RIMS1: variants seen among roughly 807,000 people sequenced by gnomAD.
RIMS1 encodes the protein regulating synaptic membrane exocytosis protein 1.
In RIMS1, 83 loss-of-function variants were observed where a neutral mutation model predicts 214.1. The ratio of observed to expected loss-of-function variants is 0.39; its 90% CI spans 0.32 to 0.47. The LOEUF is 0.47. Among genes scored for constraint, RIMS1 ranks in the 20% least tolerant of loss-of-function variants. The probability of loss-of-function intolerance (pLI) is 0.99; values close to 1 mark genes in which losing one functional copy is unlikely to be tolerated. For synonymous variants in RIMS1, 793 were observed against 786.8 expected (o/e 1.01, Z -0.13); for missense variants, 2,050 against 2,161.8 (o/e 0.95, Z 1.03).
chr6:72,154,363 A>T (rs1179564754), intron 4 of RIMS1, among the ~76,000 whole-genome samples: 1 of 140,848 alleles, frequency 7.1e-6, no homozygotes, highest in Non-Finnish European at 1.6e-5. Flanking sequence ...CCTAGGACAT[A>T]TGATGTTTGA....
At chr6:72,220,819 T>C (rs1436058397) in intron 6 of RIMS1, among the ~76,000 whole-genome samples, 1 of 152,100 alleles carries the variant, frequency 6.6e-6, no homozygotes, top group African/African-American at 2.4e-5. Context: ...ACAATAGGCT[T>C]CTTTGACAAA....
chr6:72,113,212 G>T (rs753003621), intron 4 of RIMS1, among the ~76,000 whole-genome samples: 5 of 151,984 alleles, frequency 3.3e-5, no homozygotes, highest in African/African-American at 9.7e-5. Context: ...TTTAGTTTAG[G>T]GTTCTCTGGG....
intron 30 of RIMS1, 165 bp downstream of exon 30, chr6:72,390,901 CA>C: frequency 3.1e-6 from 2 of 638,188 alleles, no homozygotes; most frequent in South Asian, 5.0e-5. Context: ...TACACATGGA[CA>C]CACCTCTACA....
chr6:72,391,995 G>A (rs1249783557), intron 30 of RIMS1, among the ~76,000 whole-genome samples: 1 of 152,148 alleles, frequency 6.6e-6, no homozygotes, highest in Admixed American at 6.5e-5. Flanking sequence ...AGATGTGAAA[G>A]CACAATGGAA....
intron 2 of RIMS1, among the ~76,000 whole-genome samples, chr6:72,037,693 T>C (rs1345503116): frequency 6.6e-6 from 1 of 152,074 alleles, no homozygotes; most frequent in Non-Finnish European, 1.5e-5. Flanking sequence ...GGTTTTTTGT[T>C]CTTTCTTTTG....
intron 4 of RIMS1, among the ~76,000 whole-genome samples, chr6:72,114,190 G>A (rs774336140): frequency 2.0e-5 from 3 of 151,988 alleles, no homozygotes; most frequent in Admixed American, 1.3e-4. Flanking sequence ...TGTAGTAAAT[G>A]TAAGTAAGTC....
chr6:72,320,763 T>C (rs1444688420), intron 28 of RIMS1, among the ~76,000 whole-genome samples: 2 of 152,066 alleles, frequency 1.3e-5, no homozygotes, highest in East Asian at 3.8e-4. Context: ...AATAGCATTA[T>C]ATAGATTGTC....
rs186865369 is a variant in RIMS1, at chr6:72,284,174, G to T, written c.3554+56G>T. ...TTCCATTTTAGGAATATATTTAGGG[G>T]TGCTGTCACTCTCATTTTACATGAT... On this transcript the variant is annotated intron_variant, in intron 24 of 33. Coordinates refer to ENST00000521978, the MANE Select transcript of RIMS1 (RefSeq NM_014989.7). 136 of 1,415,420 alleles carry T rather than the reference G, an allele frequency of 9.6e-5. 1 individual carries two copies. In the African/African-American group the frequency reaches 1.6e-3, roughly 16 times the overall value. 87.7% of individuals were successfully genotyped at this position (1,415,420 alleles called of 1,614,324 possible).
At chr6:72,287,489 G>A (rs2092550968) in intron 24 of RIMS1, among the ~76,000 whole-genome samples, 1 of 152,174 alleles carries the variant, frequency 6.6e-6, no homozygotes, top group Admixed American at 6.5e-5. Flanking sequence ...AGATGAAGGA[G>A]AGTAGGCATG....
rs559146590 is a variant in RIMS1 at position 72,315,545 on chromosome 6, G to A, written c.4130+1873G>A. 2.6e-5 allele frequency among the ~76,000 whole-genome samples: 4 copies of A among 152,092 alleles called. No homozygotes were observed. The South Asian group carries it at 8.3e-4, about 32-fold the overall frequency. ...TGTATGTCAGTGATTTGTCATATGCGGTACATATTTGCTCTTAGAATAATT... is the reference window on the plus strand; with the variant it reads ...TGTATGTCAGTGATTTGTCATATGCAGTACATATTTGCTCTTAGAATAATT... On this transcript the variant is annotated intron_variant, in intron 28 of 33. Coordinates refer to ENST00000521978, the MANE Select transcript of RIMS1 (RefSeq NM_014989.7).
intron 4 of RIMS1, among the ~76,000 whole-genome samples, chr6:72,115,280 C>G (rs1287816415): frequency 6.6e-6 from 1 of 151,856 alleles, no homozygotes; most frequent in Non-Finnish European, 1.5e-5. Flanking sequence ...CTGATTTCAT[C>G]CATTATTTTA....
chr6:72,273,299 C>T (rs2084377115), intron 22 of RIMS1, among the ~76,000 whole-genome samples: 1 of 152,084 alleles, frequency 6.6e-6, no homozygotes, highest in South Asian at 2.1e-4. Context: ...TAGGACTAGA[C>T]TCCTTTGGAT....
At chr6:72,236,339 A>T (rs1188556366) in intron 8 of RIMS1, among the ~76,000 whole-genome samples, 1 of 152,174 alleles carries the variant, frequency 6.6e-6, no homozygotes, top group Non-Finnish European at 1.5e-5. Context: ...GCAGAGATGC[A>T]TTTAGGCTAT....
intron 1 of RIMS1, among the ~76,000 whole-genome samples, chr6:71,897,630 G>A (rs1243328901): frequency 6.6e-6 from 1 of 152,096 alleles, no homozygotes; most frequent in Non-Finnish European, 1.5e-5. Flanking sequence ...TTCTCAAATA[G>A]ATTTTGGTAT....
rs374153252 is a variant in RIMS1, at chr6:72,087,111, G to A, written c.246-9838G>A. The stretch of plus-strand genomic sequence containing the variant: ...AGCTTCTTAACCAGATAAAATGAGC[G>A]AGACAGACACAAGTACATATATCCA... On this transcript the variant is annotated intron_variant, in intron 2 of 33. Coordinates refer to ENST00000521978, the MANE Select transcript of RIMS1 (RefSeq NM_014989.7). Among the ~76,000 whole-genome samples the A allele has an allele frequency of 1.2e-4, 18 of 152,218 alleles. No individual in the cohort carries two copies. The South Asian group carries it at 1.7e-3, about 14-fold the overall frequency.
intron 4 of RIMS1, chr6:72,148,631 G>T (rs1300320470): frequency 2.2e-6 from 1 of 456,692 alleles, no homozygotes; most frequent in African/African-American, 2.0e-5. Context: ...GGGGAGCCCA[G>T]TCAGCAGGAA....
intron 4 of RIMS1, among the ~76,000 whole-genome samples, chr6:72,155,539 A>G (rs966315360): frequency 3.5e-5 from 5 of 141,138 alleles, no homozygotes; most frequent in Admixed American, 7.3e-5. Flanking sequence ...GGCAATTTAC[A>G]AAAGAAGGAG....
chr6:72,368,538 C>T (rs1007844663), intron 29 of RIMS1, among the ~76,000 whole-genome samples: 4 of 151,636 alleles, frequency 2.6e-5, no homozygotes, highest in Non-Finnish European at 5.9e-5. Context: ...TTGTGATCCA[C>T]CCGCCTCGGC....
intron 6 of RIMS1, among the ~76,000 whole-genome samples, chr6:72,218,120 T>TTA (rs58066334): frequency 2.0e-5 from 3 of 151,510 alleles, no homozygotes; most frequent in Non-Finnish European, 4.4e-5. Flanking sequence ...TTTTTTTTTT[T>TTA]AATTGGCTTC....
Sources: allele counts gnomAD v4.1 joint callset (sites outside exome capture counted in the v4.1 genomes callset), GRCh38; gene constraint gnomAD v4.1.1; transcripts MANE v1.5; gene names NCBI Gene and HGNC (gene_info 2026-07-23, HGNC 2026-07-21).